Variants in ARHGAP26 observed in about 807,000 individuals in gnomAD.
ARHGAP26 encodes the protein rho GTPase-activating protein 26.
ARHGAP26 carries 38 observed loss-of-function variants against 104.8 expected under a neutral mutation model. The ratio of observed to expected loss-of-function variants is 0.36; its 90% CI spans 0.28 to 0.48. ARHGAP26 has a LOEUF of 0.48. ARHGAP26 is among the 20% of genes least tolerant of loss of function. The pLI is 0.99. For synonymous variants in ARHGAP26, 341 were observed against 340.0 expected, an observed-to-expected ratio of 1.00 and a Z score of -0.03; for missense variants, 704 against 947.9, an observed-to-expected ratio of 0.74 and a Z score of 3.38.
chr5:142,949,189 GAGAGAGAGA>G (rs1767734052), intron 11 of ARHGAP26, among the ~76,000 whole-genome samples: 1 of 34,958 alleles, frequency 2.9e-5, no homozygotes, highest in South Asian at 1.8e-3. Flanking sequence ...GAGAGAGAGA[GAGAGAGAGA>G]GAGAGAGAGA....
chr5:142,794,514 C>T (rs185205), intron 1 of ARHGAP26, among the ~76,000 whole-genome samples: 18,656 of 152,120 alleles, frequency 0.12, 1,445 homozygotes, highest in East Asian at 0.23. Flanking sequence ...TTACTTTGGG[C>T]GATCAGGCTG....
At chr5:143,018,976 A>G (rs766253321) in intron 12 of ARHGAP26, among the ~76,000 whole-genome samples, 23 of 152,294 alleles carry the variant, frequency 1.5e-4, no homozygotes, top group Non-Finnish European at 2.8e-4. Context: ...ATGTCTTTCC[A>G]TTTATTCAGA....
chr5:143,050,951 C>A (rs1784924374), intron 14 of ARHGAP26, among the ~76,000 whole-genome samples: 1 of 152,158 alleles, frequency 6.6e-6, no homozygotes, highest in Non-Finnish European at 1.5e-5. Flanking sequence ...AAGACTGGGT[C>A]TTGAGCCAGT....
chr5:143,142,395 C>T (rs1798663453), intron 19 of ARHGAP26, among the ~76,000 whole-genome samples: 1 of 151,892 alleles, frequency 6.6e-6, no homozygotes, highest in Non-Finnish European at 1.5e-5. Context: ...CTGCCTCGGC[C>T]TCCCAAAGTG....
At chr5:142,838,953 A>G (rs79554021) in intron 1 of ARHGAP26, among the ~76,000 whole-genome samples, 2,797 of 152,256 alleles carry the variant, frequency 0.018, 87 homozygotes, top group African/African-American at 0.063. Context: ...TTTGGTCTAG[A>G]TATGTATACC....
At chr5:142,779,513 G>A in intron 1 of ARHGAP26, among the ~76,000 whole-genome samples, 1 of 152,088 alleles carries the variant, frequency 6.6e-6, no homozygotes, top group African/African-American at 2.4e-5. Flanking sequence ...TAACTAGCTG[G>A]TTTCTCTGGG....
intron 6 of ARHGAP26, among the ~76,000 whole-genome samples, chr5:142,899,035 A>G (rs1421517074): frequency 6.6e-6 from 1 of 152,164 alleles, no homozygotes; most frequent in African/African-American, 2.4e-5. Context: ...GCTTGTGATC[A>G]TGTTTGGCAT....
Position 143,093,147 on chromosome 5 carries a change from C to CT in ARHGAP26, c.1539-27828dup, listed in dbSNP as rs142805079. Reference sequence around the variant, plus strand: ...CTTGAGTCACTAAGCTACCTTTTTGCTTTTTTTTTTTTTGGACTTAGGGTA... The same window carrying CT: ...CTTGAGTCACTAAGCTACCTTTTTGCTTTTTTTTTTTTTTGGACTTAGGGTA... On this transcript the variant is annotated intron_variant, in intron 17 of 22. Transcript: ENST00000645722. 7.3e-3 allele frequency among the ~76,000 whole-genome samples: 1,046 copies of CT among 142,560 alleles called. 9 individuals are homozygous for CT. The highest frequency in any genetic ancestry group is 0.035 in the East Asian group (173 of 5,010). The allele number at this position is 142,560 out of a possible 152,430, so 93.5% of individuals were successfully genotyped here. A position where few individuals can be genotyped will look rare whatever the true frequency, so the allele number is the denominator to read the frequency against.
chr5:143,212,111 C>G (rs1809559074), intron 21 of ARHGAP26, among the ~76,000 whole-genome samples: 1 of 152,096 alleles, frequency 6.6e-6, no homozygotes, highest in South Asian at 2.1e-4. Context: ...GTTTCCCTTA[C>G]TTTTAGTCCC....
chr5:142,844,847 T>G (rs890993612), intron 1 of ARHGAP26, among the ~76,000 whole-genome samples: 66 of 147,566 alleles, frequency 4.5e-4, no homozygotes, highest in African/African-American at 1.6e-3. Context: ...AGAGTGAGAC[T>G]GCGTCTCAAA....
At chr5:143,097,852 G>A (rs1405119683) in intron 17 of ARHGAP26, among the ~76,000 whole-genome samples, 2 of 148,454 alleles carry the variant, frequency 1.3e-5, no homozygotes, top group Non-Finnish European at 3.0e-5. Context: ...ATTACCCCAC[G>A]CAACCTACTG....
intron 18 of ARHGAP26, among the ~76,000 whole-genome samples, chr5:143,124,580 C>A (rs1796506784): frequency 6.6e-6 from 1 of 152,180 alleles, no homozygotes; most frequent in Non-Finnish European, 1.5e-5. Flanking sequence ...GCCACAAGAC[C>A]CCCCTCTTTC....
chr5:143,092,265 G>A (rs207466436), intron 17 of ARHGAP26, among the ~76,000 whole-genome samples: 5 of 148,182 alleles, frequency 3.4e-5, no homozygotes, highest in Non-Finnish European at 7.4e-5. Flanking sequence ...CCAGGTTCAC[G>A]CCATTCTCCT....
chr5:142,831,886 A>G (rs1768512452), intron 1 of ARHGAP26, among the ~76,000 whole-genome samples: 1 of 152,156 alleles, frequency 6.6e-6, no homozygotes, highest in Non-Finnish European at 1.5e-5. Flanking sequence ...AGCTACCTAC[A>G]TAGCCGCTTG....
rs1177348972 is a variant in ARHGAP26, at chr5:143,225,049, T to C, written c.*2603T>C. 4.5e-6 allele frequency: 1 copy of C among 224,208 alleles called. No homozygotes were observed. Among genetic ancestry groups the C allele is most frequent in the Non-Finnish European group, 8.9e-6 (1 of 112,536 alleles). 13.9% of individuals were successfully genotyped at this position (224,208 alleles called of 1,614,324 possible). A position where few individuals can be genotyped will look rare whatever the true frequency, so the allele number is the denominator to read the frequency against. On this transcript the variant is annotated 3_prime_UTR_variant, in exon 23 of 23. Coordinates refer to ENST00000645722, the MANE Select transcript of ARHGAP26 (RefSeq NM_001135608.3). ...CTCGAGAAGAAAGGGAGTATACTAG[T>C]AGGTTAGATCTGTGAACCTGAGGAC...
rs1486674251 is a variant in ARHGAP26, at chr5:143,228,715, C to CA, written c.*6270dup. On this transcript the variant is annotated 3_prime_UTR_variant, in exon 23 of 23. Transcript: ENST00000645722. ...TTTAATGTTTTCTTTTAAAATAACG[C>CA]ACTGTTCTAAACTTCAGTATTGACT... The CA allele has an allele frequency of 9.7e-6, 2 of 205,260 alleles. No homozygotes were observed. Among genetic ancestry groups the CA allele is most frequent in the Non-Finnish European group, 2.0e-5 (2 of 100,228 alleles). The allele number at this position is 205,260 out of a possible 1,614,324, so 12.7% of individuals were successfully genotyped here. A position where few individuals can be genotyped will look rare whatever the true frequency, so the allele number is the denominator to read the frequency against.
intron 11 of ARHGAP26, among the ~76,000 whole-genome samples, chr5:142,984,929 A>G (rs1007788074): frequency 6.6e-6 from 1 of 152,144 alleles, no homozygotes; most frequent in Non-Finnish European, 1.5e-5. Flanking sequence ...TATTAAAAAA[A>G]AAAGCGGTCA....
At chr5:143,137,022 C>A (rs1388355599) in intron 19 of ARHGAP26, among the ~76,000 whole-genome samples, 1 of 152,204 alleles carries the variant, frequency 6.6e-6, no homozygotes, top group East Asian at 1.9e-4. Context: ...ATAGCTCATG[C>A]ACTGTGACTT....
At chr5:143,137,546 C>G (rs539646002) in intron 19 of ARHGAP26, among the ~76,000 whole-genome samples, 1 of 152,234 alleles carries the variant, frequency 6.6e-6, no homozygotes, top group East Asian at 1.9e-4. Context: ...CATGCACATG[C>G]GCACTCCCGC....
Sources: gnomAD v4.1 joint callset for allele counts (sites outside exome capture counted in the v4.1 genomes callset) on GRCh38, gnomAD v4.1.1 for gene constraint, MANE v1.5 for transcripts, NCBI Gene and HGNC (gene_info 2026-07-23, HGNC 2026-07-21) for gene names.